The following ACSM1 variants were observed in gnomAD, a reference collection of about 807,000 sequenced individuals.
ACSM1 encodes the protein acyl-CoA synthetase medium chain family member 1.
ACSM1 carries 79 observed loss-of-function variants against 75.8 expected under a neutral mutation model. The ratio of observed to expected loss-of-function variants is 1.04; its 90% CI spans 0.87 to 1.26. ACSM1 has a LOEUF of 1.26. Among genes scored for constraint, ACSM1 ranks in the 50% most tolerant of loss-of-function variants. The pLI, the probability that ACSM1 is intolerant of heterozygous loss-of-function variation, is 0.00. For missense variants in ACSM1, 676 were observed against 720.1 expected (o/e 0.94, Z 0.70); for synonymous variants, 279 against 265.8 (o/e 1.05, Z -0.48).
intron 4 of ACSM1, among the ~76,000 whole-genome samples, chr16:20,675,859 C>A (rs575707384): frequency 1.1e-4 from 16 of 152,294 alleles, no homozygotes; most frequent in Middle Eastern, 3.4e-3. Flanking sequence ...AAACCAGCTG[C>A]GCTGGCGGCT....
intron 7 of ACSM1, among the ~76,000 whole-genome samples, chr16:20,652,523 TG>T (rs1005816547): frequency 6.6e-6 from 1 of 151,900 alleles, no homozygotes; most frequent in African/African-American, 2.4e-5. Flanking sequence ...ATAAAAATGA[TG>T]GGATTACACA....
At chr16:20,677,959 T>C (rs2079341703) in intron 4 of ACSM1, among the ~76,000 whole-genome samples, 1 of 151,662 alleles carries the variant, frequency 6.6e-6, no homozygotes, top group African/African-American at 2.4e-5. Context: ...CCTTAAAAGA[T>C]GTGGCAGAGA....
At chr16:20,684,548 A>G (rs1014877166) in intron 3 of ACSM1, among the ~76,000 whole-genome samples, 1 of 152,228 alleles carries the variant, frequency 6.6e-6, no homozygotes, top group African/African-American at 2.4e-5. Flanking sequence ...ATCACAAAGA[A>G]AGAGTCAGAA....
chr16:20,637,559 C>A, intron 8 of ACSM1, 108 bp from the exon 9 acceptor site: 1 of 993,910 alleles, frequency 1.0e-6, no homozygotes, highest in Admixed American at 1.8e-5. Context: ...GTATTCCTCT[C>A]AATGGATGCT....
chr16:20,625,937 T>C lies in ACSM1; in HGVS notation c.1428-415A>G, dbSNP rs72778627. ...ACTTAAGGCTTACAACATGATGTTTTGATGTACATATACATAGTAACGCGA... is the reference window on the plus strand; with the variant it reads ...ACTTAAGGCTTACAACATGATGTTTCGATGTACATATACATAGTAACGCGA... On this transcript the variant is annotated intron_variant, in intron 11 of 13. Transcript: ENST00000520010. 6.7e-3 allele frequency among the ~76,000 whole-genome samples: 1,017 copies of C among 152,358 alleles called. 5 individuals are homozygous for C. The highest frequency in any genetic ancestry group is 0.011 in the South Asian group (51 of 4,830).
chr16:20,685,960 G>A (rs1272941308), intron 2 of ACSM1, among the ~76,000 whole-genome samples: 1 of 151,646 alleles, frequency 6.6e-6, no homozygotes, highest in Non-Finnish European at 1.5e-5. Context: ...GCTTCCTATT[G>A]AAGATTTAAA....
At chr16:20,650,282 C>T (rs537145863) in intron 7 of ACSM1, among the ~76,000 whole-genome samples, 45 of 152,144 alleles carry the variant, frequency 3.0e-4, no homozygotes, top group Non-Finnish European at 7.4e-5. Flanking sequence ...ACTGAAGTGT[C>T]GTTTTCACAG....
At chr16:20,625,382 G>A in intron 12 of ACSM1, 41 bp downstream of exon 12, 2 of 1,591,550 alleles carry the variant, frequency 1.3e-6, no homozygotes, top group South Asian at 1.1e-5. Flanking sequence ...TGCTTTCCTA[G>A]TGCCCACGCA....
Position 20,678,011 on chromosome 16 carries a change from AAAAT to A in ACSM1, c.611+4241_611+4244del, listed in dbSNP as rs146714630. Among the ~76,000 whole-genome samples the A allele has an allele frequency of 8.3e-3, 1,195 of 143,822 alleles. 9 individuals are homozygous for A. The highest frequency in any genetic ancestry group is 0.02 in the African/African-American group (771 of 37,792). The allele number at this position is 143,822 out of a possible 152,430, so 94.4% of individuals were successfully genotyped here. On this transcript the variant is annotated intron_variant, in intron 4 of 13. Transcript: ENST00000520010. Reference sequence around the variant, plus strand: ...CCATAAAGGAAGAATACTAAAGGCTAAAATAAATAAATAAATAAATAAATAAATA... The same window carrying A: ...CCATAAAGGAAGAATACTAAAGGCTAAAATAAATAAATAAATAAATAAATA...
intron 11 of ACSM1, 109 bp from the exon 12 acceptor site, chr16:20,625,631 A>G (rs1284954139): frequency 1.8e-5 from 17 of 954,352 alleles, no homozygotes; most frequent in Admixed American, 9.3e-5. Flanking sequence ...TGGAGGTCAT[A>G]GGAAGCCAGG....
chr16:20,685,883 G>C (rs1297142828), intron 2 of ACSM1, among the ~76,000 whole-genome samples: 2 of 150,710 alleles, frequency 1.3e-5, no homozygotes, highest in African/African-American at 4.9e-5. Context: ...TTTAGGGGTG[G>C]AGCGGGACTT....
chr16:20,693,459 G>C (rs1316204825), intron 1 of ACSM1, among the ~76,000 whole-genome samples: 1 of 152,278 alleles, frequency 6.6e-6, no homozygotes, highest in Non-Finnish European at 1.5e-5. Context: ...ACTGAAGAAA[G>C]CTATTTCTCA....
intron 8 of ACSM1, 112 bp from the exon 9 acceptor site, chr16:20,637,563 G>A: frequency 1.0e-6 from 1 of 968,044 alleles, no homozygotes; most frequent in South Asian, 1.4e-5. Flanking sequence ...TCCTCTCAAT[G>A]GATGCTGCCC....
chr16:20,637,258 AGG>A (rs201196954), intron 9 of ACSM1, 111 bp downstream of exon 9: 212,246 of 881,420 alleles, frequency 0.24, 30,298 homozygotes, highest in African/African-American at 0.5. Flanking sequence ...ATGAGAAGAG[AGG>A]AGGAAGGATG....
intron 1 of ACSM1, among the ~76,000 whole-genome samples, chr16:20,692,826 G>C (rs1384102264): frequency 6.6e-6 from 1 of 152,136 alleles, no homozygotes; most frequent in Non-Finnish European, 1.5e-5. Flanking sequence ...TTTATGGTTT[G>C]TAGGGCATAA....
intron 2 of ACSM1, among the ~76,000 whole-genome samples, chr16:20,689,121 G>A (rs906885424): frequency 2.0e-5 from 3 of 151,214 alleles, no homozygotes; most frequent in Non-Finnish European, 3.0e-5. Context: ...GGCTGGCTGG[G>A]ATAGAACTGT....
chr16:20,628,966 A>AAAAAACATTTT (rs960479176), intron 10 of ACSM1, among the ~76,000 whole-genome samples: 1 of 152,150 alleles, frequency 6.6e-6, no homozygotes, highest in Non-Finnish European at 1.5e-5. Context: ...AGCTACCCGA[A>AAAAAACATTTT]AAAAACATTT....
chr16:20,683,678 C>T (rs866173025), intron 3 of ACSM1, among the ~76,000 whole-genome samples: 5 of 146,104 alleles, frequency 3.4e-5, no homozygotes, highest in South Asian at 2.2e-4. Context: ...CTTGCCACCA[C>T]GCCTGGCTAA....
At chr16:20,669,661 A>G (rs1329342793) in intron 6 of ACSM1, among the ~76,000 whole-genome samples, 166 bp downstream of exon 6, 1 of 152,184 alleles carries the variant, frequency 6.6e-6, no homozygotes, top group African/African-American at 2.4e-5. Context: ...GATGTGACTC[A>G]GGTATAGTGA....
Sources: allele counts gnomAD v4.1 joint callset (sites outside exome capture counted in the v4.1 genomes callset), GRCh38; gene constraint gnomAD v4.1.1; transcripts MANE v1.5; gene names NCBI Gene and HGNC (gene_info 2026-07-23, HGNC 2026-07-21).